CCAR1: variants seen among roughly 807,000 people sequenced by gnomAD.
CCAR1 encodes the protein cell division cycle and apoptosis regulator protein 1.
Under a neutral mutation model 163.8 loss-of-function variants are expected in CCAR1, and 78 were observed. That is an observed-to-expected ratio of 0.48 (90% CI 0.40 to 0.57). The LOEUF is 0.57. Ranked by LOEUF, CCAR1 falls within the 20% of genes least tolerant of loss-of-function variation. CCAR1 has a pLI of 0.00. For synonymous variants in CCAR1, 443 were observed against 460.7 expected, an observed-to-expected ratio of 0.96 and a Z score of 0.49; for missense variants, 1,019 against 1,365.2, an observed-to-expected ratio of 0.75 and a Z score of 4.00.
intron 15 of CCAR1, among the ~76,000 whole-genome samples, chr10:68,759,665 C>G (rs1439698884): frequency 6.6e-6 from 1 of 151,636 alleles, no homozygotes; most frequent in Non-Finnish European, 1.5e-5. Context: ...TCAATGCTGC[C>G]GCGGTGAGCC....
chr10:68,761,987 A>G (rs538801372), intron 16 of CCAR1, among the ~76,000 whole-genome samples: 2 of 152,286 alleles, frequency 1.3e-5, no homozygotes, highest in East Asian at 1.9e-4. Context: ...TTACAAATGC[A>G]TATAGTTATA....
intron 16 of CCAR1, among the ~76,000 whole-genome samples, chr10:68,763,994 A>G (rs983482900): frequency 1.3e-5 from 2 of 152,180 alleles, no homozygotes; most frequent in African/African-American, 4.8e-5. Context: ...GCTCATTGCA[A>G]TTAGGTTGCT....
chr10:68,762,046 A>G (rs948452593), intron 16 of CCAR1, among the ~76,000 whole-genome samples: 1 of 151,928 alleles, frequency 6.6e-6, no homozygotes, highest in Non-Finnish European at 1.5e-5. Flanking sequence ...TCTAGGTAAA[A>G]AGGCCGGGAG....
rs538911030 is a variant in CCAR1, at chr10:68,770,892, A to G, written c.2299-314A>G. Among the ~76,000 whole-genome samples, 17 of 152,334 alleles carry G rather than the reference A, an allele frequency of 1.1e-4. No individual in the cohort carries two copies. In the South Asian group the frequency reaches 3.3e-3, roughly 30 times the overall value. On this transcript the variant is annotated intron_variant, in intron 17 of 24. Coordinates refer to ENST00000265872, the MANE Select transcript of CCAR1 (RefSeq NM_018237.4). ...GGAGATCGAGACCATCCTGGCTGAC[A>G]TGGTGAAACCCTGTCTCTACTAAAA...
rs1410271003 is a variant in CCAR1 at position 68,756,563 on chromosome 10, C to T, written c.1836+80C>T. On this transcript the variant is annotated intron_variant, in intron 14 of 24. Transcript: ENST00000265872. This position sits in a 1 kb window ranked among gnomAD's most constrained non-coding sequence, Gnocchi z 5.1. ...AGGCACAAATGCACACCACACACTA[C>T]ATAATAAACACACATGGAGGAACAT... 3.7e-6 allele frequency: 4 copies of T among 1,077,918 alleles called. No homozygotes were observed. The highest frequency in any genetic ancestry group is 1.6e-5 in the African/African-American group (1 of 63,906). The allele number at this position is 1,077,918 out of a possible 1,614,324, so 66.8% of individuals were successfully genotyped here.
At position 68,742,589 on chromosome 10, in the gene CCAR1, G is replaced by A. The variant is rs2133334932; in HGVS notation, c.518+20G>A. On this transcript the variant is annotated intron_variant, in intron 6 of 24. Transcript: ENST00000265872. The stretch of plus-strand genomic sequence containing the variant: ...GCTTAGGTAAACTTAATGAGGTCTT[G>A]TCACATGGCTTCTTGCATTTACCAC... 2.5e-6 allele frequency: 4 copies of A among 1,574,010 alleles called. No homozygotes were observed. Among genetic ancestry groups the A allele is most frequent in the Non-Finnish European group, 3.5e-6 (4 of 1,145,676 alleles).
intron 4 of CCAR1, 78 bp downstream of exon 4, chr10:68,737,967 A>G (rs1329186656): frequency 1.1e-6 from 1 of 949,768 alleles, no homozygotes; most frequent in Non-Finnish European, 1.6e-6. Context: ...AGAGAGTTTT[A>G]TTTCTATCAG....
At chr10:68,773,125 T>TTA in intron 19 of CCAR1, 26 bp downstream of exon 19, 1 of 1,153,526 alleles carries the variant, frequency 8.7e-7, no homozygotes, top group Non-Finnish European at 1.3e-6. Flanking sequence ...ATTTATTACT[T>TTA]CTTAGAGTTA....
chr10:68,738,689 A>G (rs185775985), intron 4 of CCAR1, among the ~76,000 whole-genome samples: 1 of 152,216 alleles, frequency 6.6e-6, no homozygotes, highest in Non-Finnish European at 1.5e-5. Context: ...TAGGACTCCT[A>G]GTCCCCTTCT....
In CCAR1 at chr10:68,747,541, C is replaced by G. The variant is rs35776267; in HGVS notation, c.801C>G (p.Pro267=). 7,057 of 1,613,506 alleles carry G rather than the reference C, an allele frequency of 4.4e-3. 18 individuals are homozygous for G. The highest frequency in any genetic ancestry group is 5.4e-3 in the Non-Finnish European group (6,358 of 1,179,834). The part of the protein sequence containing the change: ...ITPLLQTQPQ[P]LLQQPQQKAG... ...CACTATTGCAGACTCAACCACAGCCCTTATTACAGCAGCCTCAGCAAAAAG... is the reference window on the plus strand; with the variant it reads ...CACTATTGCAGACTCAACCACAGCCGTTATTACAGCAGCCTCAGCAAAAAG... Residue 267 remains proline (P), a synonymous_variant, in exon 8 of 25, where the codon CCC becomes CCG. Coordinates refer to ENST00000265872, the MANE Select transcript of CCAR1 (RefSeq NM_018237.4).
intron 4 of CCAR1, among the ~76,000 whole-genome samples, chr10:68,740,358 G>A (rs1236079079): frequency 6.6e-6 from 1 of 152,144 alleles, no homozygotes; most frequent in Non-Finnish European, 1.5e-5. Context: ...AGTTATCTCT[G>A]TTACTTTTCA....
At chr10:68,774,286 C>G (rs2056636866) in intron 19 of CCAR1, among the ~76,000 whole-genome samples, 1 of 152,118 alleles carries the variant, frequency 6.6e-6, no homozygotes. Flanking sequence ...CATCACCTTC[C>G]CAAAATGCAG....
In CCAR1 at chr10:68,747,390, A is replaced by C; in HGVS notation, c.650A>C (p.Gln217Pro). ...TLPNQNQSQTQPLLKTPPAVL... is the reference protein window; with the variant it reads ...TLPNQNQSQTPPLLKTPPAVL... ...TAATTGAAGAATCAGTCGCAAACCC[A>C]GCCATTACTGAAGACTCCTCCTGCT... The change falls in exon 8 of 25, where the codon CAG becomes CCG. Residue 217 changes from glutamine (Q) to proline (P), a missense_variant. Physicochemically the swap from Gln to Pro is moderately conservative, Grantham distance 76 (BLOSUM62 -1). Coordinates refer to ENST00000265872, the MANE Select transcript of CCAR1 (RefSeq NM_018237.4). 1.2e-6 allele frequency: 2 copies of C among 1,613,302 alleles called. No individual in the cohort carries two copies. The highest frequency in any genetic ancestry group is 1.7e-6 in the Non-Finnish European group (2 of 1,179,774).
In CCAR1 at chr10:68,754,796, A is replaced by T; in HGVS notation, c.1427A>T (p.Asp476Val). 1 of 1,606,428 alleles carries T rather than the reference A, an allele frequency of 6.2e-7. No homozygotes were observed. Among genetic ancestry groups the T allele is most frequent in the Non-Finnish European group, 8.5e-7 (1 of 1,173,016 alleles). The change falls in exon 12 of 25, where the codon GAT (aspartate) becomes GTT (valine). Residue 476 changes from aspartate to valine, a missense_variant. Coordinates refer to ENST00000265872, the MANE Select transcript of CCAR1 (RefSeq NM_018237.4). ...ALAEDPQELR[D>V]GFQHPARLVK... The stretch of plus-strand genomic sequence containing the variant: ...GCTGAGGACCCACAAGAACTTCGAG[A>T]TGGATTCCAACATCCTGCTAGACTT...
At chr10:68,745,492 T>C (rs1359138507) in intron 6 of CCAR1, among the ~76,000 whole-genome samples, 1 of 151,670 alleles carries the variant, frequency 6.6e-6, no homozygotes, top group Non-Finnish European at 1.5e-5. Flanking sequence ...AGACCGAGTT[T>C]CGCTCTTGTT....
chr10:68,773,063 C>A lies in CCAR1; in HGVS notation c.2614C>A (p.Pro872Thr), dbSNP rs775110942. 4 of 1,554,956 alleles carry A rather than the reference C, an allele frequency of 2.6e-6. No homozygotes were observed. The highest frequency in any genetic ancestry group is 2.6e-6 in the Non-Finnish European group (3 of 1,144,704). ...EEDNNQDEYD[P>T]MEAEEAEDEE... is the part of the protein sequence containing the mutation. ...AGATAACAATCAAGATGAATATGAC[C>A]CTATGGAAGCAGAAGAAGCTGAGGA... The change falls in exon 19 of 25, where the codon CCT (proline) becomes ACT (threonine). Residue 872 changes from proline to threonine, a missense_variant. By Grantham distance (38) the Pro-to-Thr change is conservative. Coordinates refer to ENST00000265872, the MANE Select transcript of CCAR1 (RefSeq NM_018237.4).
chr10:68,766,183 G>A lies in CCAR1; in HGVS notation c.2298+104G>A, dbSNP rs943586975. 3.7e-5 allele frequency: 29 copies of A among 782,590 alleles called. No individual in the cohort carries two copies. In the Admixed American group the frequency reaches 3.8e-4, roughly 10 times the overall value. The allele number at this position is 782,590 out of a possible 1,614,324, so 48.5% of individuals were successfully genotyped here. ...CTTTTTTCTTTGTTTTTCGCTTTTC[G>A]TGGTTTTTTTTGTTTTGTTTTGTTT... On this transcript the variant is annotated intron_variant, in intron 17 of 24. Coordinates refer to ENST00000265872, the MANE Select transcript of CCAR1 (RefSeq NM_018237.4).
chr10:68,722,177 T>C (rs1039608011), intron 1 of CCAR1, among the ~76,000 whole-genome samples: 58 of 152,234 alleles, frequency 3.8e-4, no homozygotes, highest in African/African-American at 1.3e-3. Context: ...GGTCTTCGTT[T>C]AAATGTGACA....
intron 15 of CCAR1, among the ~76,000 whole-genome samples, chr10:68,758,391 C>T (rs2056421959): frequency 6.6e-6 from 1 of 151,758 alleles, no homozygotes; most frequent in Non-Finnish European, 1.5e-5. Flanking sequence ...GATTGATACA[C>T]ATCTAAACTG....
Sources: allele counts gnomAD v4.1 joint callset (sites outside exome capture counted in the v4.1 genomes callset), GRCh38; gene constraint gnomAD v4.1.1; non-coding constraint Gnocchi (gnomAD v3.1); transcripts MANE v1.5; gene names NCBI Gene and HGNC (gene_info 2026-07-23, HGNC 2026-07-21).